The following NCK2 variants were observed in gnomAD, a reference collection of about 807,000 sequenced individuals.
The protein encoded by NCK2 is NCK adaptor protein 2, also known as cytoplasmic protein NCK2.
Under a neutral mutation model 33.9 loss-of-function variants are expected in NCK2, and 16 were observed. The ratio of observed to expected loss-of-function variants is 0.47; its 90% CI spans 0.32 to 0.72. NCK2 has a LOEUF of 0.72. Among genes scored for constraint, NCK2 ranks in the 30% least tolerant of loss-of-function variants. NCK2 has a pLI of 0.03. For missense variants in NCK2, 418 were observed against 537.3 expected, an observed-to-expected ratio of 0.78 and a Z score of 2.19; for synonymous variants, 273 against 239.9, an observed-to-expected ratio of 1.14 and a Z score of -1.27.
intron 3 of NCK2, among the ~76,000 whole-genome samples, chr2:105,873,888 A>G (rs908052798): frequency 2.0e-5 from 3 of 152,098 alleles, no homozygotes; most frequent in Admixed American, 6.6e-5. Flanking sequence ...AACCCTGGCC[A>G]TGTCCTCCTA....
chr2:105,754,665 G>A (rs891783054), intron 1 of NCK2, among the ~76,000 whole-genome samples: 1 of 151,170 alleles, frequency 6.6e-6, no homozygotes, highest in Non-Finnish European at 1.5e-5. Context: ...TAAGAAAGCA[G>A]CTCCCCCAAC....
intron 1 of NCK2, among the ~76,000 whole-genome samples, chr2:105,793,749 G>C (rs1204422153): frequency 6.6e-6 from 1 of 152,216 alleles, no homozygotes; most frequent in Non-Finnish European, 1.5e-5. Flanking sequence ...GGTGGCCTTC[G>C]TGTTCTCTTG....
At chr2:105,788,961 T>C (rs1036434571) in intron 1 of NCK2, among the ~76,000 whole-genome samples, 1 of 152,198 alleles carries the variant, frequency 6.6e-6, no homozygotes, top group African/African-American at 2.4e-5. Context: ...TAAACTGATA[T>C]AGACAATTGT....
chr2:105,827,995 A>T (rs1676017869), intron 2 of NCK2, among the ~76,000 whole-genome samples: 1 of 152,222 alleles, frequency 6.6e-6, no homozygotes. Context: ...AGTTATGTAG[A>T]ATGTAGCCAT....
intron 1 of NCK2, among the ~76,000 whole-genome samples, chr2:105,773,550 T>C (rs527992429): frequency 6.6e-6 from 1 of 152,144 alleles, no homozygotes; most frequent in Non-Finnish European, 1.5e-5. Context: ...TCATACTTCA[T>C]GTCTTTCCTT....
At chr2:105,798,466 A>G (rs866043706) in intron 1 of NCK2, among the ~76,000 whole-genome samples, 6 of 152,220 alleles carry the variant, frequency 3.9e-5, no homozygotes, top group Middle Eastern at 3.2e-3. Context: ...ACTGAATTGT[A>G]CACTTTAAAC....
intron 1 of NCK2, among the ~76,000 whole-genome samples, chr2:105,768,407 T>A (rs1270418136): frequency 6.6e-6 from 1 of 152,208 alleles, no homozygotes; most frequent in African/African-American, 2.4e-5. Context: ...TTTTGAGGGC[T>A]AAGTCCCACA....
chr2:105,791,350 C>T (rs114453281), intron 1 of NCK2, among the ~76,000 whole-genome samples: 1,983 of 152,280 alleles, frequency 0.013, 18 homozygotes, highest in South Asian at 0.017. Flanking sequence ...TCACGTTTTT[C>T]TCTTCACTCC....
chr2:105,829,270 A>G (rs1676074639), intron 2 of NCK2, among the ~76,000 whole-genome samples: 2 of 152,020 alleles, frequency 1.3e-5, no homozygotes, highest in South Asian at 4.2e-4. Flanking sequence ...ACTGTTCTCT[A>G]CCTCCTCTTT....
chr2:105,881,039 G>A (rs1358277589), intron 3 of NCK2, among the ~76,000 whole-genome samples: 1 of 150,182 alleles, frequency 6.7e-6, no homozygotes, highest in East Asian at 2.0e-4. Flanking sequence ...TCCCGCCTGG[G>A]CCTCTCAAAG....
intron 2 of NCK2, among the ~76,000 whole-genome samples, chr2:105,852,546 TCTTTA>T (rs1677108831): frequency 6.6e-6 from 1 of 152,226 alleles, no homozygotes; most frequent in African/African-American, 2.4e-5. Context: ...CCCAGCCAGC[TCTTTA>T]CTTAACTACC....
intron 1 of NCK2, among the ~76,000 whole-genome samples, chr2:105,769,718 A>G (rs1690065051): frequency 1.3e-5 from 2 of 152,222 alleles, no homozygotes; most frequent in Admixed American, 6.5e-5. Flanking sequence ...TGCACTGTGC[A>G]GTACAGCCAG....
chr2:105,798,549 T>C (rs1691164167), intron 1 of NCK2, among the ~76,000 whole-genome samples: 1 of 152,196 alleles, frequency 6.6e-6, no homozygotes, highest in Admixed American at 6.5e-5. Context: ...CCATATCTGA[T>C]TCATATAATC....
rs1359557390 is a variant in NCK2 at position 105,807,722 on chromosome 2, C to T, written c.-200-8708C>T. Among the ~76,000 whole-genome samples the T allele has an allele frequency of 4.7e-5, 6 of 128,896 alleles. No individual in the cohort carries two copies. In the South Asian group the frequency reaches 1.1e-3, roughly 24 times the overall value. 84.6% of individuals were successfully genotyped at this position (128,896 alleles called of 152,430 possible). On this transcript the variant is annotated intron_variant, in intron 1 of 4. Transcript: ENST00000233154. Reference sequence around the variant, plus strand: ...CTTTTCTTTTTTCCTTCCTTCCTTCCTTCCTTCTTTCCTTCCTTCCTTCCT... The same window carrying T: ...CTTTTCTTTTTTCCTTCCTTCCTTCTTTCCTTCTTTCCTTCCTTCCTTCCT...
intron 1 of NCK2, among the ~76,000 whole-genome samples, chr2:105,753,224 C>T (rs1235040737): frequency 6.6e-6 from 1 of 152,172 alleles, no homozygotes; most frequent in Non-Finnish European, 1.5e-5. Context: ...TCTGGGAACG[C>T]CTTATCAGCC....
intron 1 of NCK2, among the ~76,000 whole-genome samples, chr2:105,803,580 G>A (rs1302491543): frequency 1.3e-5 from 2 of 152,212 alleles, no homozygotes; most frequent in African/African-American, 4.8e-5. Flanking sequence ...GGAAAGTGCG[G>A]AACTGGCATT....
chr2:105,754,001 C>T (rs1689532571), intron 1 of NCK2, among the ~76,000 whole-genome samples: 1 of 152,176 alleles, frequency 6.6e-6, no homozygotes, highest in Non-Finnish European at 1.5e-5. Flanking sequence ...CTCGAACCTA[C>T]CCTTTTGTGT....
upstream of NCK2, among the ~76,000 whole-genome samples, chr2:105,744,702 G>A: frequency 6.6e-6 from 1 of 151,384 alleles, no homozygotes; most frequent in Non-Finnish European, 1.5e-5. Flanking sequence ...ACCCGGGCGC[G>A]GAGCCTGGCG....
chr2:105,757,207 G>T (rs1380383064), intron 1 of NCK2, among the ~76,000 whole-genome samples: 3 of 152,108 alleles, frequency 2.0e-5, no homozygotes, highest in Non-Finnish European at 4.4e-5. Context: ...TACTAATTTG[G>T]CTAAAATTGC....
Sources: allele counts gnomAD v4.1 joint callset (sites outside exome capture counted in the v4.1 genomes callset), GRCh38; gene constraint gnomAD v4.1.1; transcripts MANE v1.5; gene names NCBI Gene and HGNC (gene_info 2026-07-23, HGNC 2026-07-21).